Variants in RALA observed in about 807,000 individuals in gnomAD.
RALA encodes ras-related protein Ral-A.
Under a neutral mutation model 24.0 loss-of-function variants are expected in RALA, and 5 were observed. That is an observed-to-expected ratio of 0.21 (90% CI 0.11 to 0.44). The LOEUF (loss-of-function observed/expected upper bound fraction) is 0.44, where lower values mean the gene tolerates loss of function less well. Among genes scored for constraint, RALA ranks in the 20% least tolerant of loss-of-function variants. RALA has a pLI of 0.99. For missense variants in RALA, 95 were observed against 241.2 expected (o/e 0.39, Z 4.01); for synonymous variants, 77 against 83.8 (o/e 0.92, Z 0.44).
chr7:39,646,884 A>G (rs1791933484), intron 1 of RALA, among the ~76,000 whole-genome samples: 2 of 152,248 alleles, frequency 1.3e-5, no homozygotes, highest in African/African-American at 4.8e-5. Flanking sequence ...AAACCATAAA[A>G]TAATAAGTTA....
chr7:39,666,198 G>A (rs149306739), intron 1 of RALA, among the ~76,000 whole-genome samples: 203 of 152,060 alleles, frequency 1.3e-3, no homozygotes, highest in Middle Eastern at 6.8e-3. Flanking sequence ...AGTCCTAGAA[G>A]AGAGTAAAAA....
In RALA at chr7:39,687,470, G is replaced by A. The variant is rs200905863; in HGVS notation, c.114+689G>A. The stretch of plus-strand genomic sequence containing the variant: ...TTTTAATAAACTTGATGAAAAAGTC[G>A]TTTATTGTGTGTTTGGCATGGCACT... On this transcript the variant is annotated intron_variant, in intron 2 of 4. Coordinates refer to ENST00000005257, the MANE Select transcript of RALA (RefSeq NM_005402.4). 2.6e-3 allele frequency among the ~76,000 whole-genome samples: 396 copies of A among 152,034 alleles called. 2 individuals are homozygous for A. The highest frequency in any genetic ancestry group is 9.0e-3 in the African/African-American group (372 of 41,468).
intron 1 of RALA, among the ~76,000 whole-genome samples, chr7:39,656,124 G>A (rs1268835524): frequency 1.3e-5 from 2 of 152,128 alleles, no homozygotes; most frequent in Admixed American, 6.5e-5. Flanking sequence ...CCCCTATTCA[G>A]ATATCTTAAA....
intron 3 of RALA, among the ~76,000 whole-genome samples, chr7:39,693,357 G>A (rs1247435429): frequency 6.6e-6 from 1 of 152,046 alleles, no homozygotes; most frequent in African/African-American, 2.4e-5. Flanking sequence ...TCATAGGTGG[G>A]AATTGAACAA....
intron 1 of RALA, among the ~76,000 whole-genome samples, chr7:39,637,430 A>G (rs1211595169): frequency 6.6e-6 from 1 of 152,238 alleles, no homozygotes; most frequent in Non-Finnish European, 1.5e-5. Context: ...TAACTTAAAG[A>G]TTTTAGCACC....
intron 1 of RALA, among the ~76,000 whole-genome samples, chr7:39,625,421 T>C (rs1262068067): frequency 6.6e-6 from 1 of 152,204 alleles, no homozygotes; most frequent in Non-Finnish European, 1.5e-5. Context: ...ATGTTTGGGG[T>C]TGATAACTGT....
At position 39,697,985 on chromosome 7, in the gene RALA, A is replaced by G. The variant is rs11772688; in HGVS notation, c.498+1126A>G. ...TGTGTGTGTGTGTGTATGTGTGTGT[A>G]TGTGTGTTTTGCTTAAATAACAAAG... On this transcript the variant is annotated intron_variant, in intron 4 of 4. Coordinates refer to ENST00000005257, the MANE Select transcript of RALA (RefSeq NM_005402.4). Among the ~76,000 whole-genome samples, 329 of 146,528 alleles carry G rather than the reference A, an allele frequency of 2.2e-3. 1 individual carries two copies. The highest frequency in any genetic ancestry group is 3.9e-3 in the Non-Finnish European group (256 of 66,206).
At chr7:39,688,565 TA>T (rs1337401197) in intron 2 of RALA, among the ~76,000 whole-genome samples, 3 of 148,848 alleles carry the variant, frequency 2.0e-5, no homozygotes, top group Non-Finnish European at 4.4e-5. Context: ...AAAGTAAGAA[TA>T]TTCACATGCC....
chr7:39,659,425 C>T (rs761186604), intron 1 of RALA, among the ~76,000 whole-genome samples: 1 of 151,756 alleles, frequency 6.6e-6, no homozygotes, highest in Non-Finnish European at 1.5e-5. Flanking sequence ...TGTAACTTCA[C>T]GTTATGTTTT....
rs982220264 is a variant in RALA, at chr7:39,697,965, G to GTGTA, written c.498+1109_498+1110insATGT. 7.3e-5 allele frequency among the ~76,000 whole-genome samples: 10 copies of GTGTA among 137,364 alleles called. No individual in the cohort carries two copies. The East Asian group carries it at 2.0e-3, about 27-fold the overall frequency. The allele number at this position is 137,364 out of a possible 152,430, so 90.1% of individuals were successfully genotyped here. ...CTAGGGCAAGTGTGTGTGTGTGTGT[G>GTGTA]TGTGTGTGTATGTGTGTGTATGTGT... On this transcript the variant is annotated intron_variant, in intron 4 of 4. Transcript: ENST00000005257.
chr7:39,671,748 A>G (rs1473555710), intron 1 of RALA, among the ~76,000 whole-genome samples: 1 of 152,234 alleles, frequency 6.6e-6, no homozygotes, highest in Non-Finnish European at 1.5e-5. Context: ...CCCTTAAAAC[A>G]GAATATTACT....
rs1307391126 is a variant in RALA at position 39,705,615 on chromosome 7, T to TAACAGA, written c.499-508_499-507insAACAGA. Among the ~76,000 whole-genome samples, 8 of 152,168 alleles carry TAACAGA rather than the reference T, an allele frequency of 5.3e-5. No individual in the cohort carries two copies. In the East Asian group the frequency reaches 1.5e-3, roughly 29 times the overall value. On this transcript the variant is annotated intron_variant, in intron 4 of 4. Transcript: ENST00000005257. Reference sequence around the variant, plus strand: ...ATACAGAGTAACAGACAAAGTTGTTTCATAGTGTCTGGTATCAAGATGATA... The same window carrying TAACAGA: ...ATACAGAGTAACAGACAAAGTTGTTTAACAGACATAGTGTCTGGTATCAAGATGATA...
intron 1 of RALA, among the ~76,000 whole-genome samples, chr7:39,675,088 AGTGCTGGG>A (rs1792455980): frequency 6.6e-6 from 1 of 152,158 alleles, no homozygotes; most frequent in Admixed American, 6.5e-5. Context: ...GGCCTCCCAA[AGTGCTGGG>A]ATTACAGGCG....
chr7:39,686,026 C>T lies in RALA; in HGVS notation c.-37-605C>T, dbSNP rs140322113. Among the ~76,000 whole-genome samples the T allele has an allele frequency of 5.3e-4, 81 of 152,078 alleles. 1 individual carries two copies. Among genetic ancestry groups the T allele is most frequent in the Non-Finnish European group, 9.7e-4 (66 of 67,972 alleles). On this transcript the variant is annotated intron_variant, in intron 1 of 4. Transcript: ENST00000005257. ...TTTGAGACCAGCCTGGCCAACATGG[C>T]GAAACCCTGTCTCTACTAAAAATGC...
chr7:39,644,520 T>A (rs917841622), intron 1 of RALA, among the ~76,000 whole-genome samples: 2 of 152,200 alleles, frequency 1.3e-5, no homozygotes, highest in African/African-American at 4.8e-5. Flanking sequence ...TGAATACTTT[T>A]AAAATTATCT....
Position 39,699,118 on chromosome 7 carries a change from G to GTTTTTT in RALA, c.498+2261_498+2262insTTTTTT, listed in dbSNP as rs1209729467. Among the ~76,000 whole-genome samples the GTTTTTT allele has an allele frequency of 6.2e-4, 52 of 84,102 alleles. 1 individual carries two copies. The highest frequency in any genetic ancestry group is 8.9e-4 in the African/African-American group (19 of 21,342). The allele number at this position is 84,102 out of a possible 152,430, so 55.2% of individuals were successfully genotyped here. A position where few individuals can be genotyped will look rare whatever the true frequency, so the allele number is the denominator to read the frequency against. On this transcript the variant is annotated intron_variant, in intron 4 of 4. Coordinates refer to ENST00000005257, the MANE Select transcript of RALA (RefSeq NM_005402.4). ...ACCCAGCAATTTAAGTGCTAAAAATGTTATTTTTTTTTTTTTTTTTTTTTT... is the reference window on the plus strand; with the variant it reads ...ACCCAGCAATTTAAGTGCTAAAAATGTTTTTTTTATTTTTTTTTTTTTTTTTTTTTT...
rs564232896 is a variant in RALA, at chr7:39,680,268, C to G, written c.-37-6363C>G. Among the ~76,000 whole-genome samples, 6 of 151,964 alleles carry G rather than the reference C, an allele frequency of 3.9e-5. No individual in the cohort carries two copies. In the East Asian group the frequency reaches 7.8e-4, roughly 20 times the overall value. The stretch of plus-strand genomic sequence containing the variant: ...CCTGTAGTCCCAGCTACTCGGGAGG[C>G]TGAGGCAAGAGAATTGCTTGAACCT... On this transcript the variant is annotated intron_variant, in intron 1 of 4. Transcript: ENST00000005257.
intron 1 of RALA, among the ~76,000 whole-genome samples, chr7:39,662,472 G>A (rs1267008868): frequency 6.6e-6 from 1 of 152,054 alleles, no homozygotes; most frequent in African/African-American, 2.4e-5. Context: ...TCAGTGCTTT[G>A]CTGCTTAGAA....
At chr7:39,643,733 G>A (rs1176820956) in intron 1 of RALA, among the ~76,000 whole-genome samples, 1 of 152,126 alleles carries the variant, frequency 6.6e-6, no homozygotes, top group Non-Finnish European at 1.5e-5. Context: ...GCGCACGCCT[G>A]TAATCCCAGC....
Sources: allele counts gnomAD v4.1 joint callset (sites outside exome capture counted in the v4.1 genomes callset), GRCh38; gene constraint gnomAD v4.1.1; transcripts MANE v1.5; gene names NCBI Gene and HGNC (gene_info 2026-07-23, HGNC 2026-07-21).